The following P4HA3 variants were observed in gnomAD, a reference collection of about 807,000 sequenced individuals.
P4HA3 encodes the protein prolyl 4-hydroxylase subunit alpha-3.
Under a neutral mutation model 66.7 loss-of-function variants are expected in P4HA3, and 60 were observed. The ratio of observed to expected loss-of-function variants is 0.90; its 90% CI spans 0.73 to 1.12. The LOEUF is 1.12. Ranked by LOEUF, P4HA3 falls within the 50% of genes most tolerant of loss-of-function variation. The pLI is 0.00. For missense variants in P4HA3, 683 were observed against 685.8 expected, an observed-to-expected ratio of 1.00 and a Z score of 0.05; for synonymous variants, 263 against 274.6, an observed-to-expected ratio of 0.96 and a Z score of 0.42.
intron 3 of P4HA3, among the ~76,000 whole-genome samples, chr11:74,301,480 A>G (rs2134816779): frequency 6.6e-6 from 1 of 152,356 alleles, no homozygotes; most frequent in Non-Finnish European, 1.5e-5. Context: ...AAGAGAAAAC[A>G]GTATGTAGAG....
intron 4 of P4HA3, among the ~76,000 whole-genome samples, chr11:74,297,491 T>C (rs1047707289): frequency 1.3e-5 from 2 of 152,230 alleles, no homozygotes; most frequent in African/African-American, 4.8e-5. Flanking sequence ...TTTTGCAGCC[T>C]ACCCTTGAAG....
In P4HA3 at chr11:74,272,682, T is replaced by A. The variant is rs80330723; in HGVS notation, c.1398+863A>T. Among the ~76,000 whole-genome samples the A allele has an allele frequency of 4.5e-3, 693 of 152,322 alleles. 6 individuals are homozygous for A. The highest frequency in any genetic ancestry group is 0.016 in the African/African-American group (657 of 41,576). On this transcript the variant is annotated intron_variant, in intron 10 of 12. Transcript: ENST00000331597. ...CTGTGGAGACCAGAGACAGTCCTAA[T>A]AGAAGAGGAAAAGCTGGGGTGAGGG...
chr11:74,309,806 A>G (rs562468889), intron 1 of P4HA3, among the ~76,000 whole-genome samples: 1 of 152,334 alleles, frequency 6.6e-6, no homozygotes, highest in African/African-American at 2.4e-5. Flanking sequence ...CGCAAGCCAC[A>G]TACTTAAGGA....
intron 3 of P4HA3, among the ~76,000 whole-genome samples, chr11:74,298,611 A>G (rs1861301421): frequency 6.6e-6 from 1 of 152,234 alleles, no homozygotes; most frequent in South Asian, 2.1e-4. Flanking sequence ...AATTAACTCT[A>G]ATTTGGGACA....
At chr11:74,293,077 G>C (rs898793555) in intron 4 of P4HA3, among the ~76,000 whole-genome samples, 1 of 152,070 alleles carries the variant, frequency 6.6e-6, no homozygotes. Context: ...TTGTGTGGGA[G>C]TCTAAGTCTC....
rs898775147 is a variant in P4HA3, at chr11:74,310,146, A to G, written c.200+1266T>C. The stretch of plus-strand genomic sequence containing the variant: ...AATATATCCAAATAGTGACGTGGTC[A>G]TAACCACTCTGTCAGTGTTGTAGGC... On this transcript the variant is annotated intron_variant, in intron 1 of 12. Transcript: ENST00000331597. 2.6e-5 allele frequency among the ~76,000 whole-genome samples: 4 copies of G among 152,258 alleles called. No homozygotes were observed. The South Asian group carries it at 8.3e-4, about 32-fold the overall frequency.
At chr11:74,251,729 A>C (rs1484736341) in intron 15 of P4HA3, 1 of 1,613,950 alleles carries the variant, frequency 6.2e-7, no homozygotes, top group East Asian at 2.2e-5. Context: ...AGGCGGGTAC[A>C]AGGGTTTAAG....
downstream of P4HA3, among the ~76,000 whole-genome samples, chr11:74,264,572 A>G (rs533803732): frequency 3.3e-5 from 5 of 152,068 alleles, no homozygotes; most frequent in Non-Finnish European, 5.9e-5. Context: ...GTCAGCATCT[A>G]ATTCTCCTTT....
At chr11:74,291,783 C>T (rs1039735278) in intron 4 of P4HA3, among the ~76,000 whole-genome samples, 19 of 152,122 alleles carry the variant, frequency 1.2e-4, no homozygotes, top group African/African-American at 4.6e-4. Flanking sequence ...CCTTGCATCC[C>T]AGGGATGAAG....
intron 4 of P4HA3, among the ~76,000 whole-genome samples, chr11:74,295,979 T>C (rs1297265435): frequency 2.0e-5 from 3 of 152,230 alleles, no homozygotes; most frequent in Non-Finnish European, 4.4e-5. Flanking sequence ...AAAGTAAAAT[T>C]ATATTTTACA....
At chr11:74,292,309 TA>T (rs2134786401) in intron 4 of P4HA3, among the ~76,000 whole-genome samples, 1 of 152,318 alleles carries the variant, frequency 6.6e-6, no homozygotes, top group East Asian at 1.9e-4. Context: ...TATCATTTTT[TA>T]TTGTGTCTAT....
intron 15 of P4HA3, among the ~76,000 whole-genome samples, chr11:74,259,406 CA>C (rs1859874484): frequency 6.6e-6 from 1 of 152,004 alleles, no homozygotes; most frequent in Non-Finnish European, 1.5e-5. Flanking sequence ...ACAAAACAAA[CA>C]AAAAACTTTT....
chr11:74,303,326 G>C (rs1052434318), intron 2 of P4HA3, among the ~76,000 whole-genome samples: 2 of 125,534 alleles, frequency 1.6e-5, no homozygotes, highest in Admixed American at 9.2e-5. Flanking sequence ...ACAGGGTCTT[G>C]CTCAGTCGCC....
At chr11:74,261,447 A>G (rs1435234259) in intron 14 of P4HA3, among the ~76,000 whole-genome samples, 1 of 152,218 alleles carries the variant, frequency 6.6e-6, no homozygotes, top group Non-Finnish European at 1.5e-5. Flanking sequence ...AATCTGGTCC[A>G]TGGGTTTACC....
chr11:74,288,405 T>C (rs1373139380), intron 5 of P4HA3, among the ~76,000 whole-genome samples: 1 of 152,200 alleles, frequency 6.6e-6, no homozygotes, highest in East Asian at 1.9e-4. Flanking sequence ...TGCACACTGA[T>C]TTCATTCATT....
chr11:74,269,080 A>G (rs772832191), intron 11 of P4HA3, among the ~76,000 whole-genome samples: 20 of 152,230 alleles, frequency 1.3e-4, no homozygotes, highest in Non-Finnish European at 2.5e-4. Flanking sequence ...TCGTTTAGTT[A>G]TCTTCATTTC....
At chr11:74,307,717 A>C (rs1188495563) in intron 1 of P4HA3, among the ~76,000 whole-genome samples, 1 of 152,234 alleles carries the variant, frequency 6.6e-6, no homozygotes, top group East Asian at 1.9e-4. Context: ...ATGGAAAATC[A>C]GATCCTTTCC....
chr11:74,308,581 A>G (rs569143995), intron 1 of P4HA3, among the ~76,000 whole-genome samples: 1 of 152,294 alleles, frequency 6.6e-6, no homozygotes, highest in African/African-American at 2.4e-5. Flanking sequence ...CAGTCACTAG[A>G]GAACAGAATG....
downstream of P4HA3, among the ~76,000 whole-genome samples, chr11:74,265,113 G>A (rs1206886991): frequency 2.0e-5 from 3 of 152,198 alleles, no homozygotes; most frequent in Admixed American, 6.5e-5. Flanking sequence ...GAAGCTCTTA[G>A]AATGGTGCCA....
Sources: gnomAD v4.1 joint callset for allele counts (sites outside exome capture counted in the v4.1 genomes callset) on GRCh38, gnomAD v4.1.1 for gene constraint, MANE v1.5 for transcripts, NCBI Gene and HGNC (gene_info 2026-07-23, HGNC 2026-07-21) for gene names.